Variants in GLI2 observed in about 807,000 individuals in gnomAD.
GLI2 encodes the protein GLI family zinc finger 2, also known as transcription activator GLI2.
In GLI2, 22 loss-of-function variants were observed where a neutral mutation model predicts 78.9. The observed-to-expected ratio is 0.28, with a 90% confidence interval of 0.20 to 0.40. The LOEUF is 0.40. Among genes scored for constraint, GLI2 ranks in the 10% least tolerant of loss-of-function variants. GLI2 has a pLI of 1.00. For synonymous variants in GLI2, 974 were observed against 963.7 expected, an observed-to-expected ratio of 1.01 and a Z score of -0.20; for missense variants, 2,097 against 2,213.2, an observed-to-expected ratio of 0.95 and a Z score of 1.05.
At chr2:120,804,859 C>T (rs1294377112) in intron 2 of GLI2, among the ~76,000 whole-genome samples, 1 of 152,206 alleles carries the variant, frequency 6.6e-6, no homozygotes, top group Non-Finnish European at 1.5e-5. Flanking sequence ...GAGACTTCTT[C>T]CTGCTCCCAG....
intron 2 of GLI2, among the ~76,000 whole-genome samples, chr2:120,830,538 G>T (rs540332920): frequency 6.6e-6 from 1 of 152,382 alleles, no homozygotes; most frequent in East Asian, 1.9e-4. Context: ...CCATCCATGG[G>T]AAGGGCAGCA....
chr2:120,858,649 C>A (rs1687767603), intron 2 of GLI2, among the ~76,000 whole-genome samples: 1 of 152,156 alleles, frequency 6.6e-6, no homozygotes, highest in Non-Finnish European at 1.5e-5. Context: ...TGGCTCAGGC[C>A]CTCTGTGCAG....
At chr2:120,982,679 C>T (rs1443225025) in intron 10 of GLI2, 37 bp from the exon 11 acceptor site, 1 of 1,584,966 alleles carries the variant, frequency 6.3e-7, no homozygotes, top group Non-Finnish European at 8.6e-7. Context: ...GTTGGGCCCC[C>T]TGGGGTGCCT....
At chr2:120,772,755 A>G (rs1304464275) in intron 1 of GLI2, among the ~76,000 whole-genome samples, 1 of 152,262 alleles carries the variant, frequency 6.6e-6, no homozygotes, top group African/African-American at 2.4e-5. Flanking sequence ...ACATAGATGA[A>G]GAAGAAAGAA....
intron 2 of GLI2, among the ~76,000 whole-genome samples, chr2:120,923,097 TACAC>T (rs1237212900): frequency 2.0e-5 from 3 of 149,894 alleles, no homozygotes; most frequent in African/African-American, 7.4e-5. Flanking sequence ...CACAGCAACA[TACAC>T]ACCATATGCA....
In GLI2 at chr2:120,977,805, G is replaced by A. The variant is rs187495561; in HGVS notation, c.1318-629G>A. ...AGGTCAGTTCTGGCTCCACCACGCC[G>A]ACTGCCAGGGCCCTGTGCAGGCCAC... is the stretch of plus-strand genomic sequence containing the variant. On this transcript the variant is annotated intron_variant, in intron 9 of 13. Coordinates refer to ENST00000361492, the MANE Select transcript of GLI2 (RefSeq NM_001374353.1). Among the ~76,000 whole-genome samples, 12 of 152,342 alleles carry A rather than the reference G, an allele frequency of 7.9e-5. No individual in the cohort carries two copies. In the East Asian group the frequency reaches 1.9e-3, roughly 24 times the overall value.
chr2:120,842,643 A>G, intron 2 of GLI2, among the ~76,000 whole-genome samples: 1 of 152,222 alleles, frequency 6.6e-6, no homozygotes, highest in East Asian at 1.9e-4. Context: ...CCGACCCTCC[A>G]TAGCAAGGCT....
At chr2:120,971,459 G>A (rs190270598) in intron 7 of GLI2, among the ~76,000 whole-genome samples, 35 of 152,342 alleles carry the variant, frequency 2.3e-4, no homozygotes, top group African/African-American at 8.4e-4. Context: ...AGGGCTCCTG[G>A]TGGCTCCCCA....
intron 1 of GLI2, among the ~76,000 whole-genome samples, chr2:120,777,433 G>C (rs969217050): frequency 2.0e-5 from 3 of 152,072 alleles, no homozygotes; most frequent in Non-Finnish European, 4.4e-5. Context: ...AGTGCCGTTT[G>C]GGCTGCAGGC....
intron 5 of GLI2, among the ~76,000 whole-genome samples, chr2:120,957,376 T>C (rs1681325320): frequency 6.6e-6 from 1 of 152,098 alleles, no homozygotes; most frequent in African/African-American, 2.4e-5. Context: ...TGTTCCCCTC[T>C]CCTCTCAGCA....
intron 2 of GLI2, among the ~76,000 whole-genome samples, chr2:120,874,697 A>G (rs1167027900): frequency 6.6e-6 from 1 of 152,190 alleles, no homozygotes; most frequent in Non-Finnish European, 1.5e-5. Context: ...TCTGCTCAGG[A>G]GGACGCAGGC....
At chr2:120,955,181 T>TTGTGGG in intron 4 of GLI2, 64 bp from the exon 5 acceptor site, 1 of 531,604 alleles carries the variant, frequency 1.9e-6, no homozygotes, top group Non-Finnish European at 3.3e-6. Context: ...TTTTTTTTTT[T>TTGTGGG]GGCAGGAGAA....
Position 120,974,994 on chromosome 2 carries a change from A to G in GLI2, c.1202A>G (p.Lys401Arg), listed in dbSNP as rs751658121. The part of the protein sequence containing the change: ...ALTQEQLADL[K>R]EDLDRDDCKQ... The stretch of plus-strand genomic sequence containing the variant: ...TCCCAGGAGCAGCTGGCTGACCTCA[A>G]GGAAGATCTGGACAGGGATGACTGT... The change falls in exon 9 of 14, where the codon AAG becomes AGG. Residue 401 changes from lysine to arginine, a missense_variant. Around this residue, in one of 5 missense-constraint regions of GLI2, gnomAD observed 578 missense variants for 612.0 expected, o/e 0.94. Transcript: ENST00000361492. The G allele has an allele frequency of 1.2e-6, 2 of 1,614,198 alleles. No homozygotes were observed. Among genetic ancestry groups the G allele is most frequent in the African/African-American group, 2.7e-5 (2 of 75,068 alleles).
chr2:120,989,491 G>T lies in GLI2; in HGVS notation c.3526G>T (p.Ala1176Ser). The T allele has an allele frequency of 6.2e-7, 1 of 1,612,544 alleles. No individual in the cohort carries two copies. Among genetic ancestry groups the T allele is most frequent in the Non-Finnish European group, 8.5e-7 (1 of 1,179,808 alleles). Reference sequence around the variant, plus strand: ...GGGCTACAGTCCGCAAGGCCTACAGGCTAGCCCTGGGGGCCTGGACAGCAC... The same window carrying T: ...GGGCTACAGTCCGCAAGGCCTACAGTCTAGCCCTGGGGGCCTGGACAGCAC... ...YPGYSPQGLQ[A>S]SPGGLDSTQP... Residue 1176 changes from alanine to serine, a missense_variant, in exon 14 of 14, where the codon GCT becomes TCT. Ala to Ser is a moderately conservative substitution (Grantham distance 99). Coordinates refer to ENST00000361492, the MANE Select transcript of GLI2 (RefSeq NM_001374353.1).
intron 2 of GLI2, among the ~76,000 whole-genome samples, chr2:120,861,572 G>T (rs571399491): frequency 4.9e-4 from 74 of 152,330 alleles, no homozygotes; most frequent in Admixed American, 1.2e-3. Flanking sequence ...TCCAAGCCTG[G>T]GCTGCTCTTG....
intron 2 of GLI2, among the ~76,000 whole-genome samples, chr2:120,822,590 T>C (rs1018399256): frequency 2.6e-5 from 4 of 152,190 alleles, no homozygotes; most frequent in South Asian, 2.1e-4. Context: ...ATTAAAGTGA[T>C]TGAAAATGTG....
chr2:120,850,123 G>A (rs543285298), intron 2 of GLI2, among the ~76,000 whole-genome samples: 3 of 151,498 alleles, frequency 2.0e-5, no homozygotes, highest in East Asian at 1.9e-4. Context: ...ACGGGAGAAG[G>A]TTATACAAGA....
intron 2 of GLI2, among the ~76,000 whole-genome samples, chr2:120,828,649 A>G (rs925135342): frequency 3.9e-5 from 6 of 152,216 alleles, no homozygotes; most frequent in African/African-American, 1.2e-4. Flanking sequence ...GCCTTGGGAA[A>G]GAAAAGAAAG....
At chr2:120,890,298 G>T (rs1191918907) in intron 2 of GLI2, among the ~76,000 whole-genome samples, 1 of 152,178 alleles carries the variant, frequency 6.6e-6, no homozygotes, top group Non-Finnish European at 1.5e-5. Flanking sequence ...GGTTTCCAGG[G>T]TTTAATGACA....
Sources: gnomAD v4.1 joint callset for allele counts (sites outside exome capture counted in the v4.1 genomes callset) on GRCh38, gnomAD v4.1.1 for gene constraint, gnomAD v4.1.1 regional missense constraint, MANE v1.5 for transcripts, NCBI Gene and HGNC (gene_info 2026-07-23, HGNC 2026-07-21) for gene names.